Variants in PLCB4 observed in about 807,000 individuals in gnomAD.
PLCB4 encodes phospholipase C beta 4, also known as 1-phosphatidylinositol 4,5-bisphosphate phosphodiesterase beta-4.
A neutral mutation model predicts 178.8 loss-of-function variants in PLCB4; 77 were observed. The ratio of observed to expected loss-of-function variants is 0.43; its 90% confidence interval spans 0.36 to 0.52. The LOEUF is 0.52. PLCB4 is among the 20% of genes least tolerant of loss of function. The pLI is 0.00. For missense variants in PLCB4, 1,024 were observed against 1,453.4 expected (o/e 0.70, Z 4.80); for synonymous variants, 496 against 490.8 (o/e 1.01, Z -0.14).
rs571088277 is a variant in PLCB4, at chr20:9,329,053, A to T, written c.85-8073A>T. ...GCTGGCCACTCCACCCTAATCTTTT[A>T]TTATGCAGATGGTTATTCTAGCTGG... On this transcript the variant is annotated intron_variant, in intron 4 of 39. Transcript: ENST00000378473. Among the ~76,000 whole-genome samples the T allele has an allele frequency of 4.8e-3, 732 of 152,328 alleles. 10 individuals carry two copies. Among genetic ancestry groups the T allele is most frequent in the African/African-American group, 0.017 (702 of 41,580 alleles).
chr20:9,255,355 C>A (rs2094222534), intron 3 of PLCB4, among the ~76,000 whole-genome samples: 1 of 152,142 alleles, frequency 6.6e-6, no homozygotes, highest in South Asian at 2.1e-4. Context: ...GGCCCTCAGC[C>A]AATAGGATTT....
chr20:9,255,906 C>A (rs1384355263), intron 3 of PLCB4, among the ~76,000 whole-genome samples: 1 of 152,000 alleles, frequency 6.6e-6, no homozygotes, highest in Non-Finnish European at 1.5e-5. Flanking sequence ...AGGTGATACT[C>A]AGATCTGTTG....
chr20:9,304,110 A>AT (rs11481119), intron 3 of PLCB4, among the ~76,000 whole-genome samples: 79,404 of 142,608 alleles, frequency 0.56, 24,023 homozygotes, highest in Non-Finnish European at 0.7. Flanking sequence ...TTGTTTTACT[A>AT]TTTTTTTTTT....
intron 3 of PLCB4, among the ~76,000 whole-genome samples, chr20:9,223,433 T>A (rs916581600): frequency 7.2e-5 from 11 of 152,240 alleles, no homozygotes; most frequent in Non-Finnish European, 1.5e-4. Flanking sequence ...TCAGTTTTTC[T>A]GTGGTCAGGA....
At chr20:9,447,900 C>G (rs2042511620) in intron 32 of PLCB4, among the ~76,000 whole-genome samples, 2 of 152,152 alleles carry the variant, frequency 1.3e-5, no homozygotes, top group Admixed American at 1.3e-4. Flanking sequence ...AATCATGAAC[C>G]TATCAGGGCA....
chr20:9,256,885 A>C (rs139447845), intron 3 of PLCB4, among the ~76,000 whole-genome samples: 208 of 152,340 alleles, frequency 1.4e-3, no homozygotes, highest in African/African-American at 4.9e-3. Context: ...ATGTGACTCT[A>C]GTATGCTGAG....
chr20:9,316,620 T>C (rs1005077688), intron 4 of PLCB4, among the ~76,000 whole-genome samples: 5 of 152,150 alleles, frequency 3.3e-5, no homozygotes, highest in African/African-American at 1.2e-4. Flanking sequence ...GGTCGAAGAA[T>C]ATCAGTTGTT....
At chr20:9,336,006 G>C (rs951850448) in intron 4 of PLCB4, among the ~76,000 whole-genome samples, 1 of 152,140 alleles carries the variant, frequency 6.6e-6, no homozygotes, top group African/African-American at 2.4e-5. Context: ...CTGTAATTTA[G>C]AAAGATAAAT....
intron 4 of PLCB4, among the ~76,000 whole-genome samples, chr20:9,318,316 C>A (rs2094923019): frequency 6.6e-6 from 1 of 151,570 alleles, no homozygotes; most frequent in Non-Finnish European, 1.5e-5. Flanking sequence ...TAGGCTTCTG[C>A]TGATTGGATG....
At chr20:9,418,685 G>C (rs2040421060) in intron 25 of PLCB4, among the ~76,000 whole-genome samples, 1 of 152,098 alleles carries the variant, frequency 6.6e-6, no homozygotes, top group African/African-American at 2.4e-5. Context: ...TTTAGGATTA[G>C]CTTGTCAGTT....
intron 3 of PLCB4, among the ~76,000 whole-genome samples, chr20:9,228,293 A>G (rs899882237): frequency 6.6e-6 from 1 of 152,182 alleles, no homozygotes; most frequent in African/African-American, 2.4e-5. Context: ...CAAAATCAGG[A>G]AAAAAATCAG....
At chr20:9,215,048 A>G (rs2093714427) in intron 2 of PLCB4, among the ~76,000 whole-genome samples, 1 of 152,148 alleles carries the variant, frequency 6.6e-6, no homozygotes, top group African/African-American at 2.4e-5. Context: ...TCATTAATCA[A>G]TGAGCTTTTT....
intron 4 of PLCB4, among the ~76,000 whole-genome samples, chr20:9,323,704 C>G (rs533900416): frequency 2.0e-5 from 3 of 152,150 alleles, no homozygotes; most frequent in Non-Finnish European, 4.4e-5. Flanking sequence ...CCCCAGGAGT[C>G]CCCTCATTGG....
intron 24 of PLCB4, among the ~76,000 whole-genome samples, chr20:9,410,439 C>T (rs1022126340): frequency 6.6e-6 from 1 of 152,134 alleles, no homozygotes; most frequent in African/African-American, 2.4e-5. Flanking sequence ...TTAAACACAA[C>T]ATTTTGAAGA....
intron 3 of PLCB4, among the ~76,000 whole-genome samples, chr20:9,278,069 A>G (rs1265662248): frequency 6.6e-6 from 1 of 151,994 alleles, no homozygotes; most frequent in Non-Finnish European, 1.5e-5. Flanking sequence ...TTGCTTTCTT[A>G]GAGATATGAA....
At chr20:9,308,205 G>C (rs2094793203) in intron 4 of PLCB4, among the ~76,000 whole-genome samples, 1 of 152,120 alleles carries the variant, frequency 6.6e-6, no homozygotes, top group African/African-American at 2.4e-5. Flanking sequence ...GTTTTATATA[G>C]TAACAGTTTT....
intron 2 of PLCB4, among the ~76,000 whole-genome samples, chr20:9,195,829 C>G (rs2093464808): frequency 6.6e-6 from 1 of 152,182 alleles, no homozygotes; most frequent in Non-Finnish European, 1.5e-5. Flanking sequence ...GGTTCTGTTT[C>G]TCTAGAGAAC....
At chr20:9,239,708 G>A (rs1394260923) in intron 3 of PLCB4, among the ~76,000 whole-genome samples, 1 of 152,154 alleles carries the variant, frequency 6.6e-6, no homozygotes, top group African/African-American at 2.4e-5. Flanking sequence ...GTCACAAGAT[G>A]AAGTCCCACA....
chr20:9,129,921 A>G (rs1435252485), intron 2 of PLCB4, among the ~76,000 whole-genome samples: 1 of 152,048 alleles, frequency 6.6e-6, no homozygotes, highest in Non-Finnish European at 1.5e-5. Context: ...TTCTATATAT[A>G]GATTCTTGTT....
Sources: gnomAD v4.1 joint callset for allele counts (sites outside exome capture counted in the v4.1 genomes callset) on GRCh38, gnomAD v4.1.1 for gene constraint, MANE v1.5 for transcripts, NCBI Gene and HGNC (gene_info 2026-07-23, HGNC 2026-07-21) for gene names.